Variants in XRRA1 observed in about 807,000 individuals in gnomAD.
The protein encoded by XRRA1 is X-ray radiation resistance-associated protein 1.
XRRA1 carries 69 observed loss-of-function variants against 80.2 expected under a neutral mutation model. The ratio of observed to expected loss-of-function variants is 0.86; its 90% CI spans 0.71 to 1.05. XRRA1 has a LOEUF of 1.05. Among genes scored for constraint, XRRA1 ranks in the 50% least tolerant of loss-of-function variants. The pLI, the probability that XRRA1 is intolerant of heterozygous loss-of-function variation, is 0.00. For missense variants in XRRA1, 967 were observed against 976.4 expected (o/e 0.99, Z 0.13); for synonymous variants, 348 against 389.9 (o/e 0.89, Z 1.27).
At chr11:74,924,418 G>A (rs1221076453) in intron 7 of XRRA1, among the ~76,000 whole-genome samples, 3 of 149,528 alleles carry the variant, frequency 2.0e-5, no homozygotes, top group African/African-American at 7.4e-5. Context: ...AGCTTGCAGT[G>A]AGTCGAGATC....
Position 74,906,398 on chromosome 11 carries a change from C to T in XRRA1, c.844G>A (p.Val282Ile), listed in dbSNP as rs115587412. The change falls in exon 10 of 19, where the codon GTT becomes ATT. Residue 282 changes from valine (V) to isoleucine (I), a missense_variant. Physicochemically the swap from Val to Ile is conservative, Grantham distance 29 (BLOSUM62 3). Coordinates refer to ENST00000684022, the MANE Select transcript of XRRA1 (RefSeq NM_001378157.1). ...TCTACTGACTCGTCATAGAGCTGAA[C>T]TTGCTGTAGGTATGGGATCCTGATA... ...RIIRIPYLQQVQLYDESVDWN... is the reference protein window; with the variant it reads ...RIIRIPYLQQIQLYDESVDWN... 3.9e-4 allele frequency: 630 copies of T among 1,614,020 alleles called. 2 individuals are homozygous for T. In the African/African-American group the frequency reaches 7.2e-3, roughly 19 times the overall value.
intron 10 of XRRA1, among the ~76,000 whole-genome samples, chr11:74,872,073 A>G (rs1311437772): frequency 6.6e-6 from 1 of 152,160 alleles, no homozygotes; most frequent in East Asian, 1.9e-4. Flanking sequence ...CCTCTTGACA[A>G]CCCTGATTTG....
At chr11:74,904,862 A>C (rs2054243090) in intron 10 of XRRA1, among the ~76,000 whole-genome samples, 1 of 151,564 alleles carries the variant, frequency 6.6e-6, no homozygotes, top group African/African-American at 2.4e-5. Context: ...TCACAAACCT[A>C]ATAACAGAGA....
Position 74,843,441 on chromosome 11 carries a change from TGCAG to T in XRRA1, c.2158_2161del (p.Leu720ThrfsTer9). 1 of 1,612,210 alleles carries T rather than the reference TGCAG, an allele frequency of 6.2e-7. No homozygotes were observed. Among genetic ancestry groups the T allele is most frequent in the Non-Finnish European group, 8.5e-7 (1 of 1,179,240 alleles). On this transcript the variant is annotated frameshift_variant, in exon 19 of 19. Transcript: ENST00000684022. LOFTEE classifies it high-confidence loss of function. ...CACCAGCCGCCGTTCTGTCCACTGG[TGCAG>T]GACAGCACCTGCAGGAAAAGAAGCC...
chr11:74,927,545 T>A (rs1293028061), intron 6 of XRRA1, 57 bp from the exon 7 acceptor site: 1 of 1,179,652 alleles, frequency 8.5e-7, no homozygotes, highest in East Asian at 2.3e-5. Context: ...AAGAGAAAGA[T>A]ATTAATAATT....
intron 8 of XRRA1, among the ~76,000 whole-genome samples, chr11:74,909,703 A>C (rs947733985): frequency 6.6e-6 from 1 of 152,180 alleles, no homozygotes; most frequent in Non-Finnish European, 1.5e-5. Context: ...AAGCTCTTCA[A>C]AGTGGCAAAG....
chr11:74,904,438 G>A (rs781504347), intron 10 of XRRA1, among the ~76,000 whole-genome samples: 1 of 151,762 alleles, frequency 6.6e-6, no homozygotes, highest in African/African-American at 2.4e-5. Context: ...TCAGCCTGGG[G>A]TGATAGGGTG....
At chr11:74,934,940 T>A (rs1481855508) in intron 4 of XRRA1, among the ~76,000 whole-genome samples, 1 of 152,212 alleles carries the variant, frequency 6.6e-6, no homozygotes, top group Non-Finnish European at 1.5e-5. Flanking sequence ...GGTTAATTAC[T>A]TTCCTAATAA....
At position 74,872,330 on chromosome 11, in the gene XRRA1, G is replaced by C. The variant is rs1470395811; in HGVS notation, c.1004-9309C>G. Among the ~76,000 whole-genome samples the C allele has an allele frequency of 2.6e-5, 4 of 152,112 alleles. No homozygotes were observed. The South Asian group carries it at 8.3e-4, about 32-fold the overall frequency. ...CCTCAAGGACAAGTTTATTATACTG[G>C]CAGCTCCCAATATTAGAAGGAAACT... On this transcript the variant is annotated intron_variant, in intron 10 of 18. Coordinates refer to ENST00000684022, the MANE Select transcript of XRRA1 (RefSeq NM_001378157.1).
chr11:74,919,288 A>T (rs552729295), intron 8 of XRRA1, among the ~76,000 whole-genome samples: 15 of 152,260 alleles, frequency 9.9e-5, no homozygotes, highest in Admixed American at 2.0e-4. Context: ...AGGGGGCGTG[A>T]TGGGGGCATA....
At chr11:74,858,765 T>C (rs2041691711) in intron 12 of XRRA1, among the ~76,000 whole-genome samples, 1 of 152,146 alleles carries the variant, frequency 6.6e-6, no homozygotes. Context: ...GTTAGACACC[T>C]CCCCTCCATC....
chr11:74,852,529 T>C (rs1234389760), intron 12 of XRRA1, among the ~76,000 whole-genome samples: 2 of 152,208 alleles, frequency 1.3e-5, no homozygotes, highest in Non-Finnish European at 2.9e-5. Context: ...CACAAACCTC[T>C]ACACACTTCT....
intron 10 of XRRA1, among the ~76,000 whole-genome samples, chr11:74,880,468 C>G (rs1427335192): frequency 6.7e-6 from 1 of 148,656 alleles, no homozygotes; most frequent in Non-Finnish European, 1.5e-5. Flanking sequence ...TCCTTCAGTT[C>G]TGCTCTGATT....
intron 7 of XRRA1, among the ~76,000 whole-genome samples, chr11:74,922,256 C>CAAAAAAAA (rs398016677): frequency 1.0e-4 from 7 of 69,452 alleles, no homozygotes; most frequent in Non-Finnish European, 1.5e-4. Context: ...GACTCTGCCT[C>CAAAAAAAA]AAAAAAAAAA....
At chr11:74,888,506 AAT>A (rs1197900106) in intron 10 of XRRA1, among the ~76,000 whole-genome samples, 10 of 152,200 alleles carry the variant, frequency 6.6e-5, no homozygotes, top group African/African-American at 2.2e-4. Flanking sequence ...TAAAAATCAG[AAT>A]GCCTCTCCTC....
intron 7 of XRRA1, among the ~76,000 whole-genome samples, chr11:74,923,209 A>G (rs1456792377): frequency 1.3e-5 from 2 of 152,218 alleles, no homozygotes; most frequent in Non-Finnish European, 2.9e-5. Flanking sequence ...GCATGTATAG[A>G]AGCCAGGAGG....
At chr11:74,918,308 G>A (rs1591400004) in intron 8 of XRRA1, among the ~76,000 whole-genome samples, 1 of 150,396 alleles carries the variant, frequency 6.6e-6, no homozygotes, top group African/African-American at 2.5e-5. Context: ...TAGTGTGTGT[G>A]TGTGTGTGTG....
At chr11:74,883,322 T>C (rs1403467078) in intron 10 of XRRA1, among the ~76,000 whole-genome samples, 1 of 152,204 alleles carries the variant, frequency 6.6e-6, no homozygotes, top group Non-Finnish European at 1.5e-5. Flanking sequence ...GGGAACTCCC[T>C]GACCCCTTGC....
chr11:74,859,330 A>C, intron 11 of XRRA1, 47 bp from the exon 12 acceptor site: 1 of 1,559,594 alleles, frequency 6.4e-7, no homozygotes, highest in Non-Finnish European at 8.7e-7. Flanking sequence ...ATAATAAATA[A>C]GGCCACTAAG....
Sources: allele counts gnomAD v4.1 joint callset (sites outside exome capture counted in the v4.1 genomes callset), GRCh38; gene constraint gnomAD v4.1.1; transcripts MANE v1.5; gene names NCBI Gene and HGNC (gene_info 2026-07-23, HGNC 2026-07-21).